ARHGAP39: variants seen among roughly 807,000 people sequenced by gnomAD.
ARHGAP39 encodes rho GTPase-activating protein 39.
Under a neutral mutation model 106.9 loss-of-function variants are expected in ARHGAP39, and 44 were observed. That is an observed-to-expected ratio of 0.41 (90% confidence interval 0.32 to 0.53). The LOEUF (loss-of-function observed/expected upper bound fraction) is 0.53, where lower values mean the gene tolerates loss of function less well. Among genes scored for constraint, ARHGAP39 ranks in the 20% least tolerant of loss-of-function variants. The pLI is 0.21. For synonymous variants in ARHGAP39, 768 were observed against 693.2 expected (o/e 1.11, Z -1.69); for missense variants, 1,496 against 1,577.3 (o/e 0.95, Z 0.87).
intron 2 of ARHGAP39, among the ~76,000 whole-genome samples, chr8:144,603,887 A>C (rs1470776111): frequency 6.6e-6 from 1 of 151,804 alleles, no homozygotes; most frequent in Non-Finnish European, 1.5e-5. Context: ...GAATGAGGAC[A>C]TCAGGGACAC....
chr8:144,621,587 C>A (rs952348680), intron 1 of ARHGAP39, among the ~76,000 whole-genome samples: 2 of 152,166 alleles, frequency 1.3e-5, no homozygotes, highest in African/African-American at 4.8e-5. Context: ...GAGGCTGAGG[C>A]AGGCAGATTG....
chr8:144,591,286 A>G lies in ARHGAP39; in HGVS notation c.81-10009T>C. Among the ~76,000 whole-genome samples, 1 of 152,110 alleles carries G rather than the reference A, an allele frequency of 6.6e-6. No homozygotes were observed. Among genetic ancestry groups the G allele is most frequent in the South Asian group, 2.1e-4 (1 of 4,820 alleles). ...GCAGGGGAGGGTGGCGCGTGTGAGG[A>G]GCACCTGCTGGGACATTGAAAAGGA... On this transcript the variant is annotated intron_variant, in intron 2 of 11. Transcript: ENST00000377307. This position sits in a 1 kb window ranked among gnomAD's most constrained non-coding sequence, Gnocchi z 5.3.
At chr8:144,621,962 G>A (rs1820818160) in intron 1 of ARHGAP39, among the ~76,000 whole-genome samples, 1 of 152,218 alleles carries the variant, frequency 6.6e-6, no homozygotes, top group South Asian at 2.1e-4. Flanking sequence ...CTGCGACTTG[G>A]GTAGGAAGAC....
rs762333764 is a variant in ARHGAP39, at chr8:144,534,210, G to A, written c.2615-8C>T. 5.0e-6 allele frequency: 8 copies of A among 1,613,316 alleles called. No individual in the cohort carries two copies. Among genetic ancestry groups the A allele is most frequent in the Non-Finnish European group, 6.8e-6 (8 of 1,179,810 alleles). ...ACGTGCTTATCGCCACCCCTGGAAA[G>A]GAAAGGGGCCTGATCAGCCTGATGT... On this transcript the variant is annotated splice_region_variant and splice_polypyrimidine_tract_variant and intron_variant, in intron 7 of 11. Coordinates refer to ENST00000377307, the MANE Select transcript of ARHGAP39 (RefSeq NM_025251.3).
At chr8:144,534,959 C>G (rs1279530563) in intron 7 of ARHGAP39, among the ~76,000 whole-genome samples, 1 of 152,168 alleles carries the variant, frequency 6.6e-6, no homozygotes, top group South Asian at 2.1e-4. Context: ...CTGGAAGGCG[C>G]GGCACCTTCC....
chr8:144,608,262 A>C (rs1266274019), intron 1 of ARHGAP39, among the ~76,000 whole-genome samples: 28 of 152,104 alleles, frequency 1.8e-4, no homozygotes, highest in Non-Finnish European at 3.8e-4. Flanking sequence ...GTACAGCTTC[A>C]ATCTTTTTGA....
At position 144,545,403 on chromosome 8, in the gene ARHGAP39, G is replaced by A; in HGVS notation, c.2367C>T (p.Cys789=). The change falls in exon 6 of 12, where the codon TGC becomes TGT. Residue 789 remains cysteine (C), a synonymous_variant. Coordinates refer to ENST00000377307, the MANE Select transcript of ARHGAP39 (RefSeq NM_025251.3). ...GLRDELYIQL[C]RQTTENFRLE... Reference sequence around the variant, plus strand: ...GGCGGAAGTTCTCGGTGGTCTGCCGGCACAGCTGGATGTAGAGCTCGTCCC... The same window carrying A: ...GGCGGAAGTTCTCGGTGGTCTGCCGACACAGCTGGATGTAGAGCTCGTCCC... The A allele has an allele frequency of 7.0e-7, 1 of 1,433,806 alleles. No homozygotes were observed. Among genetic ancestry groups the A allele is most frequent in the Non-Finnish European group, 9.2e-7 (1 of 1,082,834 alleles). The allele number at this position is 1,433,806 out of a possible 1,614,324, so 88.8% of individuals were successfully genotyped here.
chr8:144,538,416 G>T (rs1017206196), intron 6 of ARHGAP39, among the ~76,000 whole-genome samples: 4 of 152,248 alleles, frequency 2.6e-5, no homozygotes, highest in Admixed American at 6.5e-5. Flanking sequence ...TCTGTAGGAG[G>T]AGTCACTGTG....
At chr8:144,629,621 T>C (rs1353841285) in intron 1 of ARHGAP39, among the ~76,000 whole-genome samples, 3 of 152,224 alleles carry the variant, frequency 2.0e-5, no homozygotes. Context: ...GAAATTGTAT[T>C]TTTCTTGATC....
chr8:144,612,008 TA>T (rs554351101), intron 1 of ARHGAP39, among the ~76,000 whole-genome samples: 4,318 of 109,720 alleles, frequency 0.039, 64 homozygotes, highest in Middle Eastern at 0.085. Flanking sequence ...AAACTCCATG[TA>T]AAAAAAAAAA....
At chr8:144,606,842 G>C (rs1412273766) in intron 1 of ARHGAP39, among the ~76,000 whole-genome samples, 2 of 152,134 alleles carry the variant, frequency 1.3e-5, no homozygotes, top group South Asian at 2.1e-4. Flanking sequence ...AAATAATAAG[G>C]CTTTTGGAAA....
At position 144,645,293 on chromosome 8, in the gene ARHGAP39, T is replaced by A. The variant is rs1172425809; in HGVS notation, c.-81-39598A>T. ...GAACTGAAGGCACGAGAAGTCCAGG[T>A]GTCAAGGAGAGGTTGGCCATGAGGT... On this transcript the variant is annotated intron_variant, in intron 1 of 11. Coordinates refer to ENST00000377307, the MANE Select transcript of ARHGAP39 (RefSeq NM_025251.3). This position sits in a 1 kb window ranked among gnomAD's most constrained non-coding sequence, Gnocchi z 4.4. 6.6e-6 allele frequency among the ~76,000 whole-genome samples: 1 copy of A among 152,224 alleles called. No homozygotes were observed. Among genetic ancestry groups the A allele is most frequent in the Non-Finnish European group, 1.5e-5 (1 of 68,040 alleles).
intron 1 of ARHGAP39, among the ~76,000 whole-genome samples, chr8:144,630,546 G>T (rs1469597746): frequency 6.6e-6 from 1 of 152,192 alleles, no homozygotes; most frequent in African/African-American, 2.4e-5. Context: ...CCTTTTTCTA[G>T]AACTCCAGTG....
intron 1 of ARHGAP39, among the ~76,000 whole-genome samples, chr8:144,651,387 C>A (rs1015499971): frequency 6.6e-6 from 1 of 152,114 alleles, no homozygotes. Context: ...ACATTCTTCA[C>A]AAAACTAGAA....
the ARHGAP39 span, among the ~76,000 whole-genome samples, chr8:144,693,813 C>A: frequency 6.6e-6 from 1 of 152,202 alleles, no homozygotes; most frequent in Non-Finnish European, 1.5e-5. Flanking sequence ...AATGTCCCTG[C>A]CCTCCAGGAG....
chr8:144,578,053 T>G (rs954187192), intron 3 of ARHGAP39, among the ~76,000 whole-genome samples: 2 of 152,148 alleles, frequency 1.3e-5, no homozygotes, highest in South Asian at 4.1e-4. Flanking sequence ...AATTGCAAGG[T>G]GCTCCAAATA....
intron 2 of ARHGAP39, among the ~76,000 whole-genome samples, chr8:144,599,367 T>C (rs1382351281): frequency 1.3e-5 from 2 of 152,212 alleles, no homozygotes; most frequent in East Asian, 3.8e-4. Flanking sequence ...GTCTAGGGGA[T>C]GTTTTAAGTG....
At chr8:144,563,548 G>A (rs535190613) in intron 3 of ARHGAP39, among the ~76,000 whole-genome samples, 48 of 152,088 alleles carry the variant, frequency 3.2e-4, no homozygotes, top group Non-Finnish European at 5.0e-4. Flanking sequence ...ATGCTTTAGG[G>A]GGCTGAGTTA....
At chr8:144,659,797 G>C (rs879922294) in intron 1 of ARHGAP39, among the ~76,000 whole-genome samples, 2 of 152,086 alleles carry the variant, frequency 1.3e-5, no homozygotes, top group Non-Finnish European at 2.9e-5. Context: ...GTCTTGAGGG[G>C]TCCACTTATT....
Sources: allele counts gnomAD v4.1 joint callset (sites outside exome capture counted in the v4.1 genomes callset), GRCh38; gene constraint gnomAD v4.1.1; non-coding constraint Gnocchi (gnomAD v3.1); transcripts MANE v1.5; gene names NCBI Gene and HGNC (gene_info 2026-07-23, HGNC 2026-07-21).